DLG2: variants seen among roughly 807,000 people sequenced by gnomAD.
DLG2 encodes disks large homolog 2.
A neutral mutation model predicts 132.5 loss-of-function variants in DLG2; 45 were observed. That is an observed-to-expected ratio of 0.34 (90% CI 0.27 to 0.44). The LOEUF (loss-of-function observed/expected upper bound fraction) is 0.44, where lower values mean the gene tolerates loss of function less well. DLG2 is among the 20% of genes least tolerant of loss of function. DLG2 has a pLI of 1.00. For synonymous variants in DLG2, 424 were observed against 419.6 expected (o/e 1.01, Z -0.13); for missense variants, 1,045 against 1,196.9 (o/e 0.87, Z 1.87).
intron 18 of DLG2, among the ~76,000 whole-genome samples, chr11:83,759,123 A>C (rs2093783488): frequency 6.6e-6 from 1 of 152,254 alleles, no homozygotes; most frequent in Non-Finnish European, 1.5e-5. Flanking sequence ...AGAAGTACAT[A>C]AATTACTATG....
At chr11:83,570,717 G>A (rs1296383514) in intron 19 of DLG2, among the ~76,000 whole-genome samples, 1 of 152,086 alleles carries the variant, frequency 6.6e-6, no homozygotes, top group Non-Finnish European at 1.5e-5. Context: ...ACAGAATGCA[G>A]GGGAGGAGGA....
intron 3 of DLG2, among the ~76,000 whole-genome samples, chr11:85,408,010 C>CA (rs569004759): frequency 0.011 from 1,571 of 140,114 alleles, 13 homozygotes; most frequent in Non-Finnish European, 0.016. Context: ...TATATCTAGA[C>CA]AAAAAAAAAA....
chr11:83,609,272 T>C (rs1273462851), intron 19 of DLG2, among the ~76,000 whole-genome samples: 2 of 152,194 alleles, frequency 1.3e-5, no homozygotes, highest in Non-Finnish European at 2.9e-5. Context: ...TATACCAACA[T>C]ACAGGCTTCA....
chr11:84,203,203 G>A (rs985922106), intron 8 of DLG2, among the ~76,000 whole-genome samples: 9 of 152,116 alleles, frequency 5.9e-5, no homozygotes, highest in African/African-American at 1.9e-4. Context: ...GCAAAGGCAT[G>A]GAACCAACCT....
At chr11:85,132,680 G>T (rs1371932468) in intron 5 of DLG2, 1 of 455,356 alleles carries the variant, frequency 2.2e-6, no homozygotes, top group East Asian at 7.0e-5. Context: ...TCATGAACTG[G>T]CAGCACCTAC....
intron 3 of DLG2, among the ~76,000 whole-genome samples, chr11:85,309,255 T>G (rs757408236): frequency 1.3e-5 from 2 of 152,022 alleles, no homozygotes; most frequent in African/African-American, 2.4e-5. Flanking sequence ...CCAACCAATC[T>G]AAGTCCAGCT....
At chr11:84,331,147 A>G (rs148734012) in intron 7 of DLG2, among the ~76,000 whole-genome samples, 60 of 152,324 alleles carry the variant, frequency 3.9e-4, no homozygotes, top group African/African-American at 1.3e-3. Context: ...GAATTTATGT[A>G]TACTCCATTT....
At chr11:84,532,078 A>T (rs1485503436) in intron 7 of DLG2, among the ~76,000 whole-genome samples, 1 of 150,438 alleles carries the variant, frequency 6.6e-6, no homozygotes, top group East Asian at 2.0e-4. Context: ...GACTTAATAT[A>T]CAAAACAAAG....
chr11:85,487,223 A>C (rs1565569185), intron 3 of DLG2, among the ~76,000 whole-genome samples: 1 of 152,082 alleles, frequency 6.6e-6, no homozygotes, highest in Non-Finnish European at 1.5e-5. Flanking sequence ...TACACCAGAT[A>C]TGTAGACATG....
At chr11:83,684,168 A>C (rs1364820139) in intron 18 of DLG2, among the ~76,000 whole-genome samples, 1 of 152,030 alleles carries the variant, frequency 6.6e-6, no homozygotes, top group Non-Finnish European at 1.5e-5. Flanking sequence ...TGAACGTTCC[A>C]CTGCTAACTC....
chr11:84,179,992 A>T (rs2096073483), intron 8 of DLG2, among the ~76,000 whole-genome samples: 1 of 152,162 alleles, frequency 6.6e-6, no homozygotes, highest in Non-Finnish European at 1.5e-5. Flanking sequence ...TATTCAGTTC[A>T]TTATGTCATT....
At chr11:85,091,060 G>A (rs1470549485) in intron 6 of DLG2, among the ~76,000 whole-genome samples, 1 of 152,120 alleles carries the variant, frequency 6.6e-6, no homozygotes, top group Non-Finnish European at 1.5e-5. Flanking sequence ...ATTACAGAGA[G>A]GACTATGCCA....
chr11:84,636,648 G>T (rs913296388), intron 6 of DLG2, among the ~76,000 whole-genome samples: 3 of 152,112 alleles, frequency 2.0e-5, no homozygotes, highest in Non-Finnish European at 4.4e-5. Context: ...TACTCATTAT[G>T]TAAGTCTTAA....
At chr11:83,854,984 GACAA>G (rs1774011322) in intron 16 of DLG2, among the ~76,000 whole-genome samples, 1 of 151,828 alleles carries the variant, frequency 6.6e-6, no homozygotes, top group African/African-American at 2.4e-5. Flanking sequence ...ATCTAAAACT[GACAA>G]ACAACTCAAC....
intron 5 of DLG2, among the ~76,000 whole-genome samples, chr11:85,118,329 T>G (rs2073915354): frequency 6.6e-6 from 1 of 152,058 alleles, no homozygotes; most frequent in African/African-American, 2.4e-5. Flanking sequence ...TGCTGAGTCA[T>G]CCTCAACACT....
At chr11:85,591,710 C>A (rs1250683276) in intron 3 of DLG2, among the ~76,000 whole-genome samples, 1 of 152,182 alleles carries the variant, frequency 6.6e-6, no homozygotes, top group African/African-American at 2.4e-5. Flanking sequence ...CCACTGCACT[C>A]CAGCCTGGGT....
chr11:85,362,156 A>G lies in DLG2; in HGVS notation c.41-76791T>C, dbSNP rs892026592. ...ATTTTTGTAGAGAGGGAGTCTCACT[A>G]TGTTGCCCAGGCTGGTCTTGAACTC... On this transcript the variant is annotated intron_variant, in intron 3 of 27. Coordinates refer to ENST00000376104, the MANE Select transcript of DLG2 (RefSeq NM_001142699.3). Among the ~76,000 whole-genome samples the G allele has an allele frequency of 3.3e-5, 5 of 152,024 alleles. No individual in the cohort carries two copies. In the South Asian group the frequency reaches 8.3e-4, roughly 25 times the overall value.
At chr11:84,864,146 C>A (rs1294712336) in intron 6 of DLG2, among the ~76,000 whole-genome samples, 1 of 152,136 alleles carries the variant, frequency 6.6e-6, no homozygotes, top group Non-Finnish European at 1.5e-5. Context: ...AATTCTCTGA[C>A]TACATGTTTG....
intron 10 of DLG2, among the ~76,000 whole-genome samples, chr11:84,070,147 A>G (rs932615754): frequency 6.6e-6 from 1 of 152,234 alleles, no homozygotes; most frequent in Non-Finnish European, 1.5e-5. Flanking sequence ...ATAAAATTAA[A>G]ACTGTGGTTA....
Sources: gnomAD v4.1 joint callset for allele counts (sites outside exome capture counted in the v4.1 genomes callset) on GRCh38, gnomAD v4.1.1 for gene constraint, MANE v1.5 for transcripts, NCBI Gene and HGNC (gene_info 2026-07-23, HGNC 2026-07-21) for gene names.